FGF13: variants seen among roughly 807,000 people sequenced by gnomAD.
FGF13 encodes fibroblast growth factor homologous factor 2.
FGF13 carries 2 observed loss-of-function variants against 19.5 expected under a neutral mutation model. The observed-to-expected ratio is 0.10, with a 90% CI of 0.04 to 0.32. The LOEUF (loss-of-function observed/expected upper bound fraction) is 0.32, where lower values mean the gene tolerates loss of function less well. FGF13 is among the 10% of genes least tolerant of loss of function. The pLI is 1.00. For missense variants in FGF13, 113 were observed against 192.7 expected, an observed-to-expected ratio of 0.59 and a Z score of 2.45; for synonymous variants, 72 against 76.9, an observed-to-expected ratio of 0.94 and a Z score of 0.33.
At chrX:138,802,227 C>T (rs1420671069) in intron 3 of FGF13, among the ~76,000 whole-genome samples, 1 of 112,418 alleles carries the variant, frequency 8.9e-6, no homozygotes, top group East Asian at 2.8e-4. Context: ...AAACCCACGG[C>T]CCTGGTGGTG....
At chrX:138,665,280 G>A (rs1234493046) in intron 3 of FGF13, among the ~76,000 whole-genome samples, 2 of 111,036 alleles carry the variant, frequency 1.8e-5, no homozygotes, top group Admixed American at 1.9e-4. Flanking sequence ...GGGATTCCAC[G>A]GCTACCTGGG....
chrX:138,756,382 G>A (rs1023061632), intron 3 of FGF13, among the ~76,000 whole-genome samples: 1 of 112,449 alleles, frequency 8.9e-6, no homozygotes, highest in African/African-American at 3.2e-5. Context: ...CGGTGGGGGT[G>A]GGAGGAGTCT....
intron 1 of FGF13, among the ~76,000 whole-genome samples, chrX:139,096,440 A>G (rs964856329): frequency 2.7e-5 from 3 of 111,822 alleles, no homozygotes; most frequent in East Asian, 5.6e-4. Flanking sequence ...AGTTAAGAAT[A>G]TATCAGGAGA....
intron 1 of FGF13, among the ~76,000 whole-genome samples, chrX:138,944,824 C>T (rs1385918621): frequency 9.0e-6 from 1 of 111,268 alleles, no homozygotes; most frequent in Non-Finnish European, 1.9e-5. Context: ...TTTTTAGTTG[C>T]TAAACAGAAG....
intron 1 of FGF13, among the ~76,000 whole-genome samples, chrX:139,130,170 T>C (rs1302066582): frequency 8.9e-6 from 1 of 112,198 alleles, no homozygotes; most frequent in Non-Finnish European, 1.9e-5. Context: ...TCTTATAAAA[T>C]AACCCACTGG....
intron 3 of FGF13, among the ~76,000 whole-genome samples, chrX:138,758,727 C>T (rs2090447179): frequency 8.9e-6 from 1 of 112,174 alleles, no homozygotes; most frequent in African/African-American, 3.2e-5. Flanking sequence ...CAAAAACTGT[C>T]AGAAGTAAGA....
At chrX:139,011,364 A>C (rs1185096389) in intron 1 of FGF13, among the ~76,000 whole-genome samples, 8 of 7,054 alleles carry the variant, frequency 1.1e-3, no homozygotes, top group Non-Finnish European at 3.3e-3. Flanking sequence ...AAACAAACAA[A>C]AAAAAAAAAA....
Position 139,005,209 on chromosome X carries a change from C to A in FGF13, c.-112-140559G>T, listed in dbSNP as rs1036877669. Among the ~76,000 whole-genome samples, 9 of 69,976 alleles carry A rather than the reference C, an allele frequency of 1.3e-4. 1 individual carries two copies. Among genetic ancestry groups the A allele is most frequent in the African/African-American group, 4.0e-4 (8 of 20,208 alleles). 60.8% of individuals were successfully genotyped at this position (69,976 alleles called of 115,157 possible). A position where few individuals can be genotyped will look rare whatever the true frequency, so the allele number is the denominator to read the frequency against. On this transcript the variant is annotated intron_variant, in intron 1 of 2. Coordinates refer to the FGF13 transcript ENST00000421460. ...TGTGTCACTGCCCCCCCCCCCCCCC[C>A]AGCTCCAGGTGGTACAGAACAGACA...
rs56729941 is a variant in FGF13, at chrX:139,022,572, T to C, written c.-112-157922A>G. Among the ~76,000 whole-genome samples the C allele has an allele frequency of 9.4e-3, 1,042 of 111,360 alleles. 10 individuals are homozygous for C. Among genetic ancestry groups the C allele is most frequent in the African/African-American group, 0.032 (968 of 30,673 alleles). ...TTGGTGAAATTGTTTGTTCCACGTG[T>C]ATTTGCAATCCATGTGCTGCTGACA... On this transcript the variant is annotated intron_variant, in intron 1 of 2. Coordinates refer to the FGF13 transcript ENST00000421460.
At chrX:139,085,947 G>A (rs760368670) in intron 1 of FGF13, among the ~76,000 whole-genome samples, 2 of 112,223 alleles carry the variant, frequency 1.8e-5, no homozygotes, top group African/African-American at 3.2e-5. Flanking sequence ...AATAAAATAA[G>A]TGTGTACCAT....
rs539593635 is a variant in FGF13, at chrX:138,699,844, C to A, written c.402+3140G>T. On this transcript the variant is annotated intron_variant, in intron 3 of 4. Transcript: ENST00000315930. ...CGAGTTTTATTTCTAGTTCATGTCC[C>A]TTTCTCAAGTGCTAGGTTCATATTT... 6.9e-4 allele frequency among the ~76,000 whole-genome samples: 77 copies of A among 111,550 alleles called. 2 individuals carry two copies. The South Asian group carries it at 0.028, about 41-fold the overall frequency.
chrX:138,845,900 C>G (rs1333005918), intron 3 of FGF13, among the ~76,000 whole-genome samples: 1 of 111,479 alleles, frequency 9.0e-6, no homozygotes, highest in East Asian at 2.8e-4. Flanking sequence ...CTGGCAGCTT[C>G]TATAATCCCC....
chrX:138,842,385 G>A (rs865947431), intron 3 of FGF13, among the ~76,000 whole-genome samples: 4 of 110,636 alleles, frequency 3.6e-5, no homozygotes, highest in Non-Finnish European at 7.6e-5. Context: ...CTACTGGAGA[G>A]CCTTATATAA....
chrX:138,646,050 T>G (rs1421708351), intron 3 of FGF13, among the ~76,000 whole-genome samples: 1 of 112,442 alleles, frequency 8.9e-6, no homozygotes, highest in Admixed American at 9.4e-5. Flanking sequence ...ACTTTCATAA[T>G]GTAGATTACT....
chrX:138,981,664 A>T (rs1425873777), intron 1 of FGF13, among the ~76,000 whole-genome samples: 4 of 110,638 alleles, frequency 3.6e-5, no homozygotes, highest in African/African-American at 9.9e-5. Flanking sequence ...GTTCACAGAG[A>T]GGTAAAAATT....
intron 3 of FGF13, among the ~76,000 whole-genome samples, chrX:138,657,764 T>G (rs1424007211): frequency 8.9e-6 from 1 of 111,937 alleles, no homozygotes; most frequent in African/African-American, 3.2e-5. Context: ...AAACCAAAAT[T>G]CAGATTCTGC....
intron 3 of FGF13, among the ~76,000 whole-genome samples, chrX:138,825,055 C>T (rs1033219211): frequency 2.7e-5 from 3 of 111,770 alleles, no homozygotes; most frequent in African/African-American, 6.5e-5. Flanking sequence ...AATAAGGCTA[C>T]GGGATGTTTG....
At chrX:139,039,959 T>G (rs1393137386) in intron 1 of FGF13, among the ~76,000 whole-genome samples, 6 of 111,944 alleles carry the variant, frequency 5.4e-5, no homozygotes, top group Non-Finnish European at 1.1e-4. Context: ...GGTTGTATAC[T>G]TCCATTTTCA....
intron 3 of FGF13, among the ~76,000 whole-genome samples, chrX:138,772,018 G>GTATATATATA (rs56411673): frequency 3.5e-4 from 20 of 56,516 alleles, no homozygotes; most frequent in Non-Finnish European, 4.9e-4. Context: ...ATACATATGT[G>GTATATATATA]TATATATATA....
Sources: allele counts gnomAD v4.1 joint callset (sites outside exome capture counted in the v4.1 genomes callset), GRCh38; gene constraint gnomAD v4.1.1; transcripts MANE v1.5; gene names NCBI Gene and HGNC (gene_info 2026-07-23, HGNC 2026-07-21).